Variants in USP36 observed in about 807,000 individuals in gnomAD.
USP36 encodes the protein ubiquitin carboxyl-terminal hydrolase 36.
In USP36, 59 loss-of-function variants were observed where a neutral mutation model predicts 111.5. The ratio of observed to expected loss-of-function variants is 0.53; its 90% confidence interval spans 0.43 to 0.66. The LOEUF (loss-of-function observed/expected upper bound fraction) is 0.66, where lower values mean the gene tolerates loss of function less well. USP36 is among the 30% of genes least tolerant of loss of function. The pLI, the probability that USP36 is intolerant of heterozygous loss-of-function variation, is 0.00. For missense variants in USP36, 1,488 were observed against 1,468.0 expected (o/e 1.01, Z -0.22); for synonymous variants, 628 against 581.0 (o/e 1.08, Z -1.16).
At chr17:78,830,976 C>T (rs2068030161) in intron 4 of USP36, among the ~76,000 whole-genome samples, 2 of 151,814 alleles carry the variant, frequency 1.3e-5, no homozygotes, top group Admixed American at 1.3e-4. Context: ...CCTGTAATCC[C>T]AGCACTTTGG....
intron 12 of USP36, 63 bp from the exon 13 acceptor site, chr17:78,813,064 T>G: frequency 6.2e-7 from 1 of 1,600,720 alleles, no homozygotes; most frequent in Non-Finnish European, 8.5e-7. Flanking sequence ...CGGAGAGAAT[T>G]AGAATAAGTT....
chr17:78,816,836 T>C (rs922272509), intron 10 of USP36, among the ~76,000 whole-genome samples: 2 of 152,178 alleles, frequency 1.3e-5, no homozygotes, highest in Middle Eastern at 3.2e-3. Context: ...CTTCAGTATA[T>C]AGATCAAAGA....
At chr17:78,815,921 C>T (rs1291617551) in intron 10 of USP36, among the ~76,000 whole-genome samples, 2 of 151,844 alleles carry the variant, frequency 1.3e-5, no homozygotes, top group Non-Finnish European at 2.9e-5. Context: ...TGCATACGCA[C>T]ACATACACAC....
chr17:78,788,896 T>G (rs1366347729), intron 3 of USP36, among the ~76,000 whole-genome samples: 1 of 152,048 alleles, frequency 6.6e-6, no homozygotes, highest in Non-Finnish European at 1.5e-5. Context: ...GGGACAATGC[T>G]GGCTTCACGA....
intron 10 of USP36, among the ~76,000 whole-genome samples, chr17:78,816,856 AG>A (rs2094201817): frequency 1.3e-5 from 2 of 152,320 alleles, no homozygotes; most frequent in South Asian, 4.1e-4. Context: ...AGTTTTGACA[AG>A]TATATACTGA....
Position 78,835,460 on chromosome 17 carries a change from C to A in USP36, c.295G>T (p.Ala99Ser), listed in dbSNP as rs1299032156. The A allele has an allele frequency of 6.2e-7, 1 of 1,612,104 alleles. No individual in the cohort carries two copies. The highest frequency in any genetic ancestry group is 1.1e-5 in the South Asian group (1 of 90,650). Reference protein sequence around the residue: ...TYESCGDGVPAPQKVLFPTER... With the variant: ...TYESCGDGVPSPQKVLFPTER... ...GTGGGGAAAAGCACTTTCTGCGGGG[C>A]TGGGACTCCGTCACCACAGCTCTCA... is the stretch of plus-strand genomic sequence containing the variant. The change falls in exon 4 of 21, where the codon GCC becomes TCC. Residue 99 changes from alanine to serine, a missense_variant. Around this residue, in one of 3 missense-constraint regions of USP36, gnomAD observed 219 missense variants for 209.5 expected, o/e 1.05. Coordinates refer to ENST00000449938, the MANE Select transcript of USP36 (RefSeq NM_001385174.1).
rs754569051 is a variant in USP36, at chr17:78,807,426, C to A, written c.1618G>T (p.Ala540Ser). Residue 540 changes from alanine to serine, a missense_variant, in exon 14 of 21, where the codon GCT (alanine) becomes TCT (serine). By Grantham distance (99) the Ala-to-Ser change is moderately conservative. This residue lies in a region of USP36 where 1,073 missense variants were observed against 994.1 expected (regional missense o/e 1.08). Coordinates refer to ENST00000449938, the MANE Select transcript of USP36 (RefSeq NM_001385174.1). ...CTGGGGGAAAAGTGCTGTGGAGGAG[C>A]TGGCTTCTTCACCTTCTTTCCAGGG... ...DDPGKKVKKP[A>S]PPQHFSPRTA... 4 of 1,614,062 alleles carry A rather than the reference C, an allele frequency of 2.5e-6. No individual in the cohort carries two copies. The East Asian group carries it at 6.7e-5, about 27-fold the overall frequency.
At chr17:78,809,767 C>T (rs1036945760) in intron 13 of USP36, among the ~76,000 whole-genome samples, 1 of 152,054 alleles carries the variant, frequency 6.6e-6, no homozygotes, top group Non-Finnish European at 1.5e-5. Context: ...GGACAACAGA[C>T]GTGCACCACC....
intron 1 of USP36, among the ~76,000 whole-genome samples, chr17:78,839,865 A>G: frequency 6.6e-6 from 1 of 152,208 alleles, no homozygotes; most frequent in Non-Finnish European, 1.5e-5. Flanking sequence ...CTCTTGTCCA[A>G]GGACAGCACA....
exon 4 of USP36, chr17:78,787,523 T>C (rs2093545841): frequency 6.6e-6 from 1 of 152,188 alleles, no homozygotes; most frequent in African/African-American, 2.4e-5. Context: ...CGTTTACAGG[T>C]GTATATTCAG....
chr17:78,812,906 T>C lies in USP36; in HGVS notation c.1361A>G (p.Lys454Arg), dbSNP rs759909816. ...GRPSVIPDHS[K>R]KNIGNGIISS... ...AATAATCCCATTGCCGATGTTCTTC[T>C]TGGAGTGATCTGGAATCACACTCGG... Residue 454 changes from lysine (K) to arginine (R), a missense_variant, in exon 13 of 21, where the codon AAG (lysine) becomes AGG (arginine). This residue lies in a region of USP36 where 1,073 missense variants were observed against 994.1 expected (regional missense o/e 1.08). Transcript: ENST00000449938. The C allele has an allele frequency of 6.2e-6, 10 of 1,613,774 alleles. No homozygotes were observed. The highest frequency in any genetic ancestry group is 8.5e-6 in the Non-Finnish European group (10 of 1,180,012).
Position 78,798,715 on chromosome 17 carries a change from T to A in USP36, c.3241-164A>T, listed in dbSNP as rs2093672594. 6.6e-6 allele frequency among the ~76,000 whole-genome samples: 1 copy of A among 152,108 alleles called. No individual in the cohort carries two copies. The highest frequency in any genetic ancestry group is 2.4e-5 in the African/African-American group (1 of 41,414). ...TGTGCACGGCGACCTGCAGTCCCCCTATTGACAAAGGGGCGGAAGCTGCGA... is the reference window on the plus strand; with the variant it reads ...TGTGCACGGCGACCTGCAGTCCCCCAATTGACAAAGGGGCGGAAGCTGCGA... On this transcript the variant is annotated intron_variant, in intron 19 of 20. Coordinates refer to ENST00000449938, the MANE Select transcript of USP36 (RefSeq NM_001385174.1). This position sits in a 1 kb window ranked among gnomAD's most constrained non-coding sequence, Gnocchi z 5.1.
chr17:78,804,870 T>C (rs980986803), intron 15 of USP36, among the ~76,000 whole-genome samples: 1 of 152,108 alleles, frequency 6.6e-6, no homozygotes, highest in African/African-American at 2.4e-5. Context: ...CCCGTGAGGA[T>C]TTATTTTCCA....
intron 17 of USP36, 88 bp from the exon 18 acceptor site, chr17:78,799,856 T>G: frequency 1.7e-6 from 1 of 604,756 alleles, no homozygotes; most frequent in Non-Finnish European, 2.7e-6. Context: ...ATAAAACAAC[T>G]TACAGTAAGT....
intron 4 of USP36, among the ~76,000 whole-genome samples, chr17:78,830,774 TA>T (rs1297489395): frequency 6.6e-6 from 1 of 152,128 alleles, no homozygotes; most frequent in Non-Finnish European, 1.5e-5. Flanking sequence ...TGAAGAGATG[TA>T]AAAAACTCTC....
At chr17:78,815,933 CAT>C (rs766191780) in intron 10 of USP36, among the ~76,000 whole-genome samples, 24 of 149,416 alleles carry the variant, frequency 1.6e-4, no homozygotes, top group Middle Eastern at 3.5e-3. Context: ...CATACACACA[CAT>C]ATACACACAT....
intron 17 of USP36, among the ~76,000 whole-genome samples, chr17:78,802,060 A>G (rs929339180): frequency 6.6e-5 from 10 of 150,794 alleles, no homozygotes; most frequent in Non-Finnish European, 1.3e-4. Flanking sequence ...GCACTCCCCA[A>G]TACCCCCTCA....
At chr17:78,835,540 G>T (rs1479428981) in intron 3 of USP36, 39 bp from the exon 4 acceptor site, 1 of 1,552,424 alleles carries the variant, frequency 6.4e-7, no homozygotes, top group Non-Finnish European at 8.7e-7. Context: ...AGAGGAAGAC[G>T]TAAGTCCACA....
At chr17:78,792,782 G>C (rs574952205), downstream of USP36, among the ~76,000 whole-genome samples, 1 of 152,184 alleles carries the variant, frequency 6.6e-6, no homozygotes, top group African/African-American at 2.4e-5. Context: ...GCAGTGGCAT[G>C]ATCTTGGCTC....
Sources: gnomAD v4.1 joint callset for allele counts (sites outside exome capture counted in the v4.1 genomes callset) on GRCh38, gnomAD v4.1.1 for gene constraint, gnomAD v4.1.1 regional missense constraint, Gnocchi (gnomAD v3.1) non-coding constraint, MANE v1.5 for transcripts, NCBI Gene and HGNC (gene_info 2026-07-23, HGNC 2026-07-21) for gene names.